BSN: variants seen among roughly 807,000 people sequenced by gnomAD.
BSN encodes the protein protein bassoon.
BSN carries 57 observed loss-of-function variants against 264.8 expected under a neutral mutation model. The ratio of observed to expected loss-of-function variants is 0.22; its 90% CI spans 0.17 to 0.27. The LOEUF (loss-of-function observed/expected upper bound fraction) is 0.27, where lower values mean the gene tolerates loss of function less well. Ranked by LOEUF, BSN falls within the 10% of genes least tolerant of loss-of-function variation. The probability of loss-of-function intolerance (pLI) is 1.00; values close to 1 mark genes in which losing one functional copy is unlikely to be tolerated. For synonymous variants in BSN, 2,059 were observed against 2,137.3 expected (o/e 0.96, Z 1.01); for missense variants, 4,615 against 5,232.5 (o/e 0.88, Z 3.64).
chr3:49,587,511 A>T (rs984787182), intron 1 of BSN, among the ~76,000 whole-genome samples: 1 of 152,220 alleles, frequency 6.6e-6, no homozygotes, highest in Non-Finnish European at 1.5e-5. Context: ...GAAAACGCAC[A>T]AAACAAACGA....
chr3:49,594,883 T>A (rs981283131), intron 1 of BSN, among the ~76,000 whole-genome samples: 8 of 120,256 alleles, frequency 6.7e-5, no homozygotes, highest in African/African-American at 2.4e-4. Context: ...AACGTACAGA[T>A]CCTACAATTT....
At chr3:49,583,335 A>G (rs2051909112) in intron 1 of BSN, among the ~76,000 whole-genome samples, 1 of 152,232 alleles carries the variant, frequency 6.6e-6, no homozygotes, top group Non-Finnish European at 1.5e-5. Context: ...AGAAGGATGT[A>G]CAATACTTCT....
At position 49,655,279 on chromosome 3, in the gene BSN, C is replaced by T. The variant is rs2052588634; in HGVS notation, c.5723C>T (p.Pro1908Leu). The T allele has an allele frequency of 1.2e-6, 2 of 1,613,030 alleles. No homozygotes were observed. Among genetic ancestry groups the T allele is most frequent in the Non-Finnish European group, 1.7e-6 (2 of 1,179,936 alleles). Reference protein sequence around the residue: ...LACCDMVYKLPFGSSCTGTFH... With the variant: ...LACCDMVYKLLFGSSCTGTFH... ...TGCTGTGACATGGTCTACAAGCTCC[C>T]CTTTGGCAGCAGCTGCACTGGCACC... Residue 1908 changes from proline to leucine, a missense_variant, in exon 5 of 12, where the codon CCC (proline) becomes CTC (leucine). Around this residue, in one of 3 missense-constraint regions of BSN, gnomAD observed 3,415 missense variants for 3,866.4 expected, o/e 0.88. Transcript: ENST00000296452.
chr3:49,558,476 C>T (rs2107996318), intron 1 of BSN, among the ~76,000 whole-genome samples: 1 of 152,356 alleles, frequency 6.6e-6, no homozygotes, highest in Middle Eastern at 3.4e-3. Flanking sequence ...GGCAAGGCTG[C>T]TCTGAGAACC....
chr3:49,657,831 G>GA lies in BSN; in HGVS notation c.8282dup (p.Lys2762GlufsTer54). 6.2e-7 allele frequency: 1 copy of GA among 1,607,542 alleles called. No homozygotes were observed. Reference sequence around the variant, plus strand: ...CACCCCAGGGCCTCTGGGCAGATTTGAAAAAAAGAAGCCAGATCCCCTGGA... The same window carrying GA: ...CACCCCAGGGCCTCTGGGCAGATTTGAAAAAAAAGAAGCCAGATCCCCTGGA... On this transcript the variant is annotated frameshift_variant, in exon 5 of 12. Coordinates refer to ENST00000296452, the MANE Select transcript of BSN (RefSeq NM_003458.4). LOFTEE classifies it high-confidence loss of function.
At chr3:49,616,663 C>T (rs1365490003) in intron 1 of BSN, among the ~76,000 whole-genome samples, 1 of 152,220 alleles carries the variant, frequency 6.6e-6, no homozygotes, top group African/African-American at 2.4e-5. Context: ...CCATGCCTGG[C>T]TGCTTTTCCG....
intron 1 of BSN, among the ~76,000 whole-genome samples, chr3:49,584,817 C>G (rs1230018693): frequency 6.6e-6 from 1 of 152,132 alleles, no homozygotes; most frequent in Non-Finnish European, 1.5e-5. Flanking sequence ...GGTAACTATC[C>G]TTCTCTTCTC....
At chr3:49,560,352 A>T (rs189779062) in intron 1 of BSN, among the ~76,000 whole-genome samples, 1 of 152,328 alleles carries the variant, frequency 6.6e-6, no homozygotes, top group Non-Finnish European at 1.5e-5. Context: ...CAACACTGTA[A>T]TAGCAGTTAT....
intron 1 of BSN, among the ~76,000 whole-genome samples, chr3:49,562,493 A>C (rs937429073): frequency 2.0e-5 from 3 of 152,214 alleles, no homozygotes; most frequent in African/African-American, 7.2e-5. Context: ...AAGAGAAATG[A>C]GAGTATGATT....
intron 3 of BSN, among the ~76,000 whole-genome samples, chr3:49,649,325 G>A (rs1162073203): frequency 6.6e-6 from 1 of 152,188 alleles, no homozygotes. Context: ...GTTGCTGGTG[G>A]GAGCCTGTAT....
Position 49,605,105 on chromosome 3 carries a change from C to A in BSN, c.225-19870C>A, listed in dbSNP as rs1437329322. On this transcript the variant is annotated intron_variant, in intron 1 of 11. Coordinates refer to ENST00000296452, the MANE Select transcript of BSN (RefSeq NM_003458.4). ...TGAAACCCCATCTCTACTAAAAATA[C>A]AAAAATTAGCCAGACATGGTGGTGG... is the stretch of plus-strand genomic sequence containing the variant. Among the ~76,000 whole-genome samples the A allele has an allele frequency of 2.7e-5, 4 of 148,924 alleles. No homozygotes were observed. In the East Asian group the frequency reaches 5.9e-4, roughly 22 times the overall value.
intron 1 of BSN, among the ~76,000 whole-genome samples, chr3:49,593,231 T>C (rs1285353113): frequency 1.3e-5 from 2 of 152,254 alleles, no homozygotes; most frequent in East Asian, 3.8e-4. Context: ...CTGTCAATAG[T>C]TCATTCCATT....
rs756358340 is a variant in BSN at position 49,662,441 on chromosome 3, C to G, written c.10596C>G (p.Cys3532Trp). 1.2e-6 allele frequency: 2 copies of G among 1,613,508 alleles called. No homozygotes were observed. Among genetic ancestry groups the G allele is most frequent in the Non-Finnish European group, 1.7e-6 (2 of 1,180,020 alleles). The change falls in exon 6 of 12, where the codon TGC becomes TGG. Residue 3532 changes from cysteine to tryptophan, a missense_variant. Physicochemically the swap from Cys to Trp is radical, Grantham distance 215. Coordinates refer to ENST00000296452, the MANE Select transcript of BSN (RefSeq NM_003458.4). ...GCGGGGATACCTGCCCACAGTTCTG[C>G]TCCAGCCACTCCATGCCTGATGTCC... The part of the protein sequence containing the change: ...PPGGDTCPQF[C>W]SSHSMPDVQE...
rs570296201 is a variant in BSN at position 49,655,349 on chromosome 3, T to C, written c.5793T>C (p.Ala1931=). The part of the protein sequence containing the change: ...PSVPEKSMAD[A]APPGQSSSPF... Reference sequence around the variant, plus strand: ...TGCCTGAGAAGAGCATGGCAGATGCTGCCCCACCTGGCCAAAGCAGCAGCC... The same window carrying C: ...TGCCTGAGAAGAGCATGGCAGATGCCGCCCCACCTGGCCAAAGCAGCAGCC... The change falls in exon 5 of 12, where the codon GCT becomes GCC. Residue 1931 remains alanine (A), a synonymous_variant. Coordinates refer to ENST00000296452, the MANE Select transcript of BSN (RefSeq NM_003458.4). The C allele has an allele frequency of 1.3e-6, 2 of 1,597,686 alleles. No individual in the cohort carries two copies. The highest frequency in any genetic ancestry group is 2.2e-5 in the East Asian group (1 of 44,780).
rs373920932 is a variant in BSN, at chr3:49,663,094, C to T, written c.10936C>T (p.Arg3646Trp). ...PGRHASAKEHRHGDHGRHSGR... is the reference protein window; with the variant it reads ...PGRHASAKEHWHGDHGRHSGR... ...CCGCCATGCCTCAGCCAAGGAACAC[C>T]GGCACGGTGACCACGGGCGGCACTC... The change falls in exon 7 of 12, where the codon CGG becomes TGG. Residue 3646 changes from arginine to tryptophan, a missense_variant. Transcript: ENST00000296452. The T allele has an allele frequency of 1.3e-5, 21 of 1,612,008 alleles. No individual in the cohort carries two copies. Among genetic ancestry groups the T allele is most frequent in the African/African-American group, 9.3e-5 (7 of 74,948 alleles).
At chr3:49,665,540 C>T (rs990224381) in intron 11 of BSN, among the ~76,000 whole-genome samples, 1 of 152,226 alleles carries the variant, frequency 6.6e-6, no homozygotes, top group African/African-American at 2.4e-5. Context: ...GAGAAGAGCC[C>T]AGCACGGCTA....
chr3:49,605,757 A>T (rs2052127718), intron 1 of BSN, among the ~76,000 whole-genome samples: 1 of 76,718 alleles, frequency 1.3e-5, no homozygotes, highest in Non-Finnish European at 2.2e-5. Flanking sequence ...ATAATATATA[A>T]ATATATATAA....
chr3:49,635,313 G>A (rs1419262832), intron 2 of BSN, among the ~76,000 whole-genome samples: 6 of 152,160 alleles, frequency 3.9e-5, no homozygotes, highest in African/African-American at 1.4e-4. Flanking sequence ...AAGGTGGCTG[G>A]CAAGGATAAG....
rs2052650084 is a variant in BSN at position 49,661,105 on chromosome 3, G to T, written c.9260G>T (p.Ser3087Ile). The T allele has an allele frequency of 6.2e-7, 1 of 1,603,214 alleles. No individual in the cohort carries two copies. Among genetic ancestry groups the T allele is most frequent in the South Asian group, 1.1e-5 (1 of 90,752 alleles). Residue 3087 changes from serine to isoleucine, a missense_variant, in exon 6 of 12, where the codon AGC becomes ATC. Ser to Ile is a moderately radical substitution (Grantham distance 142). This residue lies in a region of BSN where 3,415 missense variants were observed against 3,866.4 expected (regional missense o/e 0.88). Coordinates refer to ENST00000296452, the MANE Select transcript of BSN (RefSeq NM_003458.4). ...CAGGCCCCCACCTACCCTGGCCCCA[G>T]CACGTACCCAGCTCCTGCCTTTCCT... The part of the protein sequence containing the change: ...AHQAPTYPGP[S>I]TYPAPAFPPG...
Sources: allele counts gnomAD v4.1 joint callset (sites outside exome capture counted in the v4.1 genomes callset), GRCh38; gene constraint gnomAD v4.1.1; regional missense constraint gnomAD v4.1.1; transcripts MANE v1.5; gene names NCBI Gene and HGNC (gene_info 2026-07-23, HGNC 2026-07-21).